The following CNTNAP2 variants were observed in gnomAD, a reference collection of about 807,000 sequenced individuals.
CNTNAP2 encodes the protein contactin associated protein 2, also known as contactin-associated protein-like 2.
CNTNAP2 carries 98 observed loss-of-function variants against 155.2 expected under a neutral mutation model. The ratio of observed to expected loss-of-function variants is 0.63; its 90% CI spans 0.54 to 0.75. The LOEUF is 0.75. Ranked by LOEUF, CNTNAP2 falls within the 30% of genes least tolerant of loss-of-function variation. CNTNAP2 has a pLI of 0.00. For synonymous variants in CNTNAP2, 651 were observed against 631.2 expected, an observed-to-expected ratio of 1.03 and a Z score of -0.47; for missense variants, 1,727 against 1,688.1, an observed-to-expected ratio of 1.02 and a Z score of -0.40.
chr7:148,034,993 T>G (rs190329754), intron 15 of CNTNAP2, among the ~76,000 whole-genome samples: 1 of 152,346 alleles, frequency 6.6e-6, no homozygotes, highest in African/African-American at 2.4e-5. Context: ...TAGGGCTTTA[T>G]GGAAGGCAGA....
At chr7:147,812,593 A>C (rs982763012) in intron 13 of CNTNAP2, among the ~76,000 whole-genome samples, 2 of 148,350 alleles carry the variant, frequency 1.3e-5, no homozygotes, top group South Asian at 2.2e-4. Context: ...CCCCCTCCCC[A>C]CCCTATCCGT....
chr7:146,741,228 C>T (rs187286536), intron 1 of CNTNAP2, among the ~76,000 whole-genome samples: 18 of 152,184 alleles, frequency 1.2e-4, no homozygotes, highest in Middle Eastern at 3.4e-3. Context: ...TGATCTCTCA[C>T]GTGGTAAAAA....
chr7:147,544,751 G>A (rs992762902), intron 11 of CNTNAP2, among the ~76,000 whole-genome samples: 4 of 151,968 alleles, frequency 2.6e-5, no homozygotes, highest in Non-Finnish European at 5.9e-5. Context: ...TGAATCATGG[G>A]GGCAGTTCCC....
At chr7:148,263,736 C>CAAA (rs112362809) in intron 20 of CNTNAP2, among the ~76,000 whole-genome samples, 24 of 108,218 alleles carry the variant, frequency 2.2e-4, no homozygotes, top group African/African-American at 4.9e-4. Flanking sequence ...GACTCAGTCC[C>CAAA]AAAAAAAAAA....
intron 1 of CNTNAP2, among the ~76,000 whole-genome samples, chr7:146,595,323 A>G (rs186447056): frequency 6.6e-4 from 101 of 152,212 alleles, no homozygotes; most frequent in Non-Finnish European, 6.2e-4. Flanking sequence ...CATCCTCCAA[A>G]GATACTAATA....
At chr7:148,117,480 A>C (rs976497535) in intron 15 of CNTNAP2, among the ~76,000 whole-genome samples, 9 of 152,136 alleles carry the variant, frequency 5.9e-5, no homozygotes, top group Non-Finnish European at 5.9e-5. Flanking sequence ...AAGCACCTGC[A>C]CCAGGTGTCT....
chr7:147,225,772 AAGGAAGGAAGGAAGGAAG>A, intron 8 of CNTNAP2, among the ~76,000 whole-genome samples: 1 of 142,582 alleles, frequency 7.0e-6, no homozygotes, highest in Non-Finnish European at 1.5e-5. Flanking sequence ...GGAAGGAAGG[AAGGAAGGAAGGAAGGAAG>A]GAAGGAAGGA....
At chr7:148,366,802 TC>T (rs1798790374) in intron 21 of CNTNAP2, among the ~76,000 whole-genome samples, 1 of 151,936 alleles carries the variant, frequency 6.6e-6, no homozygotes, top group Non-Finnish European at 1.5e-5. Flanking sequence ...TCACCACCTG[TC>T]TAAGACAGAG....
At chr7:148,284,052 G>A (rs542706752) in intron 21 of CNTNAP2, among the ~76,000 whole-genome samples, 1 of 152,162 alleles carries the variant, frequency 6.6e-6, no homozygotes, top group Non-Finnish European at 1.5e-5. Context: ...ACAATTGACT[G>A]AATTATTTTT....
chr7:148,322,595 T>G (rs1020238299), intron 21 of CNTNAP2, among the ~76,000 whole-genome samples: 5 of 143,484 alleles, frequency 3.5e-5, no homozygotes, highest in Non-Finnish European at 7.7e-5. Context: ...AAGTTAATAG[T>G]TTTGTCTGTG....
intron 14 of CNTNAP2, among the ~76,000 whole-genome samples, chr7:147,957,997 C>G (rs1227270317): frequency 6.6e-6 from 1 of 152,078 alleles, no homozygotes; most frequent in African/African-American, 2.4e-5. Flanking sequence ...ATTGCTTGAG[C>G]CTTGGAGGTT....
intron 13 of CNTNAP2, among the ~76,000 whole-genome samples, chr7:147,684,783 G>A (rs900998950): frequency 5.3e-5 from 8 of 151,926 alleles, no homozygotes; most frequent in Non-Finnish European, 1.2e-4. Flanking sequence ...CATTGAATGA[G>A]AGTTTACCAT....
intron 15 of CNTNAP2, among the ~76,000 whole-genome samples, chr7:148,007,555 G>C (rs1272532310): frequency 6.6e-6 from 1 of 151,454 alleles, no homozygotes; most frequent in Non-Finnish European, 1.5e-5. Context: ...GGCTGGCTTT[G>C]GAATCACTAA....
At chr7:147,661,012 TACCCAG>T (rs1257882703) in intron 13 of CNTNAP2, among the ~76,000 whole-genome samples, 4 of 152,128 alleles carry the variant, frequency 2.6e-5, no homozygotes, top group Non-Finnish European at 4.4e-5. Flanking sequence ...TAATTACTTA[TACCCAG>T]ACTTCTGTTT....
At chr7:147,053,774 A>G (rs1305625341) in intron 4 of CNTNAP2, among the ~76,000 whole-genome samples, 1 of 152,164 alleles carries the variant, frequency 6.6e-6, no homozygotes, top group African/African-American at 2.4e-5. Flanking sequence ...ATATTAAAAC[A>G]AAAGTATATA....
chr7:146,905,787 AG>A (rs747910672), intron 3 of CNTNAP2, among the ~76,000 whole-genome samples: 21 of 152,170 alleles, frequency 1.4e-4, no homozygotes, highest in Non-Finnish European at 2.5e-4. Flanking sequence ...TGGTTTACGA[AG>A]GAGGAGCCAA....
intron 10 of CNTNAP2, among the ~76,000 whole-genome samples, chr7:147,401,099 C>A (rs700313): frequency 0.13 from 19,347 of 152,072 alleles, 1,504 homozygotes; most frequent in East Asian, 0.32. Context: ...TGTTTAGAGG[C>A]CAAAGCAAAT....
chr7:147,611,854 C>G (rs952310943), intron 12 of CNTNAP2, among the ~76,000 whole-genome samples: 1 of 152,140 alleles, frequency 6.6e-6, no homozygotes, highest in East Asian at 1.9e-4. Context: ...GGTGAGATGC[C>G]TTTCCTATCA....
chr7:146,418,842 C>T (rs1546796), intron 1 of CNTNAP2, among the ~76,000 whole-genome samples: 5,416 of 152,082 alleles, frequency 0.036, 346 homozygotes, highest in African/African-American at 0.12. Flanking sequence ...GGCTGACATG[C>T]ACAGAAGGAA....
Sources: gnomAD v4.1 joint callset for allele counts (sites outside exome capture counted in the v4.1 genomes callset) on GRCh38, gnomAD v4.1.1 for gene constraint, MANE v1.5 for transcripts, NCBI Gene and HGNC (gene_info 2026-07-23, HGNC 2026-07-21) for gene names.